Variants in NEBL observed in about 807,000 individuals in gnomAD.
NEBL encodes nebulette, also known as LIM and SH3 protein 2.
NEBL carries 122 observed loss-of-function variants against 140.2 expected under a neutral mutation model. The ratio of observed to expected loss-of-function variants is 0.87; its 90% CI spans 0.75 to 1.01. The LOEUF (loss-of-function observed/expected upper bound fraction) is 1.01, where lower values mean the gene tolerates loss of function less well. Ranked by LOEUF, NEBL falls within the 50% of genes least tolerant of loss-of-function variation. The pLI is 0.00. For synonymous variants in NEBL, 436 were observed against 398.9 expected, an observed-to-expected ratio of 1.09 and a Z score of -1.11; for missense variants, 1,365 against 1,231.3, an observed-to-expected ratio of 1.11 and a Z score of -1.62.
intron 9 of NEBL, among the ~76,000 whole-genome samples, chr10:20,853,749 G>A (rs972487995): frequency 1.3e-5 from 2 of 152,134 alleles, no homozygotes; most frequent in Non-Finnish European, 2.9e-5. Flanking sequence ...GGTGGGGAGA[G>A]GAGATAAAGT....
intron 2 of NEBL, among the ~76,000 whole-genome samples, chr10:21,161,582 A>G (rs959559562): frequency 1.3e-5 from 2 of 152,246 alleles, no homozygotes; most frequent in South Asian, 2.1e-4. Flanking sequence ...AACAAAATCT[A>G]GAGAGTTATA....
intron 3 of NEBL, among the ~76,000 whole-genome samples, chr10:21,213,963 T>A (rs971965989): frequency 6.6e-6 from 1 of 152,148 alleles, no homozygotes; most frequent in Non-Finnish European, 1.5e-5. Flanking sequence ...TATGTAAGTA[T>A]CGGCTGGTAA....
chr10:21,101,789 A>G (rs1002576284), intron 2 of NEBL, among the ~76,000 whole-genome samples: 4 of 152,242 alleles, frequency 2.6e-5, no homozygotes, highest in African/African-American at 7.2e-5. Flanking sequence ...AATGAGCTCA[A>G]TAAGTGGAAA....
chr10:21,013,392 T>A (rs924485524), intron 3 of NEBL, among the ~76,000 whole-genome samples: 2 of 152,110 alleles, frequency 1.3e-5, no homozygotes, highest in East Asian at 3.9e-4. Context: ...TTACCATGGA[T>A]CAGAAGACAG....
At chr10:21,031,840 TC>T (rs1435342095) in intron 2 of NEBL, among the ~76,000 whole-genome samples, 1 of 152,224 alleles carries the variant, frequency 6.6e-6, no homozygotes, top group Admixed American at 6.5e-5. Flanking sequence ...TTACTAGTCT[TC>T]ATGTTTTATT....
intron 2 of NEBL, among the ~76,000 whole-genome samples, chr10:21,056,632 C>G (rs1014139825): frequency 2.6e-5 from 4 of 152,086 alleles, no homozygotes; most frequent in Non-Finnish European, 5.9e-5. Context: ...ACATGTACAC[C>G]CATATTGTCA....
chr10:20,851,416 C>T (rs1417383789), intron 10 of NEBL, among the ~76,000 whole-genome samples: 2 of 151,828 alleles, frequency 1.3e-5, no homozygotes, highest in African/African-American at 2.4e-5. Context: ...AATTTTGTTG[C>T]AAAGAGTATG....
At chr10:20,983,111 C>G (rs1837120962) in intron 3 of NEBL, among the ~76,000 whole-genome samples, 1 of 152,196 alleles carries the variant, frequency 6.6e-6, no homozygotes, top group African/African-American at 2.4e-5. Flanking sequence ...CAACTTGGAG[C>G]TGGGCCTATC....
At chr10:20,869,667 C>T (rs1844711856) in intron 6 of NEBL, 73 bp downstream of exon 6, 1 of 969,676 alleles carries the variant, frequency 1.0e-6, no homozygotes, top group Non-Finnish European at 1.7e-6. Context: ...AACCATCCAA[C>T]CACTGAAGCT....
chr10:20,919,546 G>A (rs917232321), intron 4 of NEBL, among the ~76,000 whole-genome samples: 7 of 152,166 alleles, frequency 4.6e-5, no homozygotes, highest in African/African-American at 1.7e-4. Flanking sequence ...AAACAGTCCA[G>A]AGATAGACCC....
At chr10:20,857,060 C>T (rs956189419) in intron 9 of NEBL, among the ~76,000 whole-genome samples, 20 of 152,084 alleles carry the variant, frequency 1.3e-4, no homozygotes, top group Non-Finnish European at 2.6e-4. Context: ...AACTTCTGAC[C>T]TCAGGTGATC....
At chr10:21,029,192 C>A (rs1360018714) in intron 2 of NEBL, 2 of 1,391,462 alleles carry the variant, frequency 1.4e-6, no homozygotes, top group Non-Finnish European at 2.0e-6. Flanking sequence ...GTGTATAGGG[C>A]GCCTCCAATT....
At chr10:21,065,524 G>A (rs530463179) in intron 2 of NEBL, among the ~76,000 whole-genome samples, 4 of 152,284 alleles carry the variant, frequency 2.6e-5, no homozygotes, top group African/African-American at 9.6e-5. Flanking sequence ...GAAGAAAGAA[G>A]GTGTGAAGGA....
rs551620011 is a variant in NEBL at position 21,165,311 on chromosome 10, C to T, written c.164+7072G>A. On this transcript the variant is annotated intron_variant, in intron 2 of 6. Transcript: ENST00000417816. ...AAGTAGTGAAAGTAAATTCCCACTA[C>T]GTTCATTACAGATCAGAAAACGTGA... Among the ~76,000 whole-genome samples the T allele has an allele frequency of 6.9e-4, 105 of 152,310 alleles. 2 individuals are homozygous for T. The highest frequency in any genetic ancestry group is 6.1e-3 in the Admixed American group (93 of 15,302).
At chr10:21,029,522 A>C in intron 2 of NEBL, 1 of 1,609,102 alleles carries the variant, frequency 6.2e-7, no homozygotes, top group Non-Finnish European at 8.5e-7. Flanking sequence ...GATCAAGCAC[A>C]GGATACAGAC....
chr10:20,941,130 C>CA (rs1564454091), intron 4 of NEBL, among the ~76,000 whole-genome samples: 1 of 151,892 alleles, frequency 6.6e-6, no homozygotes. Context: ...AGAGACACAA[C>CA]AAAAAAAGGG....
intron 2 of NEBL, among the ~76,000 whole-genome samples, chr10:21,102,756 A>C (rs1352353262): frequency 6.6e-6 from 1 of 152,236 alleles, no homozygotes; most frequent in African/African-American, 2.4e-5. Context: ...GCTATCAGAA[A>C]TAAAGCTGCT....
chr10:21,268,955 G>A (rs919165907), intron 1 of NEBL, among the ~76,000 whole-genome samples: 4 of 144,790 alleles, frequency 2.8e-5, no homozygotes, highest in Non-Finnish European at 4.6e-5. Context: ...AATCCCTAGA[G>A]CATAAGTACC....
At chr10:20,977,123 G>A (rs1332226061) in intron 3 of NEBL, among the ~76,000 whole-genome samples, 1 of 152,062 alleles carries the variant, frequency 6.6e-6, no homozygotes, top group Non-Finnish European at 1.5e-5. Context: ...AACACCCAAA[G>A]TCAAATCTCC....
Sources: gnomAD v4.1 joint callset for allele counts (sites outside exome capture counted in the v4.1 genomes callset) on GRCh38, gnomAD v4.1.1 for gene constraint, MANE v1.5 for transcripts, NCBI Gene and HGNC (gene_info 2026-07-23, HGNC 2026-07-21) for gene names.